The following BIRC6 variants were observed in gnomAD, a reference collection of about 807,000 sequenced individuals.
The protein encoded by BIRC6 is baculoviral IAP repeat containing 6.
BIRC6 carries 98 observed loss-of-function variants against 503.3 expected under a neutral mutation model. The ratio of observed to expected loss-of-function variants is 0.19; its 90% CI spans 0.17 to 0.23. BIRC6 has a LOEUF of 0.23. BIRC6 is among the 10% of genes least tolerant of loss of function. The pLI is 1.00. For synonymous variants in BIRC6, 2,240 were observed against 2,078.7 expected, an observed-to-expected ratio of 1.08 and a Z score of -2.11; for missense variants, 5,360 against 5,806.0, an observed-to-expected ratio of 0.92 and a Z score of 2.50.
chr2:32,535,740 A>C (rs560471998), intron 61 of BIRC6, among the ~76,000 whole-genome samples: 2 of 152,270 alleles, frequency 1.3e-5, no homozygotes, highest in Admixed American at 6.5e-5. Flanking sequence ...AGTCTTTGCT[A>C]TTGTGAATAG....
chr2:32,376,243 C>T (rs955714246), intron 1 of BIRC6, among the ~76,000 whole-genome samples: 5 of 150,642 alleles, frequency 3.3e-5, no homozygotes, highest in Non-Finnish European at 5.9e-5. Context: ...CTTTTTACTG[C>T]GATTACCAAT....
intron 66 of BIRC6, among the ~76,000 whole-genome samples, chr2:32,590,348 G>T (rs902520831): frequency 6.6e-6 from 1 of 152,184 alleles, no homozygotes; most frequent in African/African-American, 2.4e-5. Flanking sequence ...TCAGCATGTA[G>T]TCTCCAGATA....
At chr2:32,438,584 G>T (rs1340528935) in intron 15 of BIRC6, among the ~76,000 whole-genome samples, 6 of 145,502 alleles carry the variant, frequency 4.1e-5, no homozygotes, top group Non-Finnish European at 9.0e-5. Flanking sequence ...TTTTGAGACG[G>T]AGTCTTGCTC....
chr2:32,606,609 A>G (rs2062473563), intron 71 of BIRC6, among the ~76,000 whole-genome samples: 1 of 151,968 alleles, frequency 6.6e-6, no homozygotes. Flanking sequence ...ATAAATAAGA[A>G]TTTCTAATAA....
In BIRC6 at chr2:32,441,411, A is replaced by G; in HGVS notation, c.3893A>G (p.Glu1298Gly). 1 of 1,611,186 alleles carries G rather than the reference A, an allele frequency of 6.2e-7. No homozygotes were observed. Among genetic ancestry groups the G allele is most frequent in the Non-Finnish European group, 8.5e-7 (1 of 1,177,790 alleles). The change falls in exon 17 of 74, where the codon GAG becomes GGG. Residue 1298 changes from glutamate to glycine, a missense_variant. Around this residue, in one of 16 missense-constraint regions of BIRC6, gnomAD observed 2,299 missense variants for 2,267.2 expected, o/e 1.01. Transcript: ENST00000421745. ...CTCCGGGGCTGTGATTTACTTCAAGAGGTCTCAGTCACCATTCGAAGATTT... is the reference window on the plus strand; with the variant it reads ...CTCCGGGGCTGTGATTTACTTCAAGGGGTCTCAGTCACCATTCGAAGATTT... ...ENLRGCDLLQ[E>G]VSVTIRRFKK...
chr2:32,584,389 G>A (rs1409453590), intron 66 of BIRC6, among the ~76,000 whole-genome samples: 3 of 152,156 alleles, frequency 2.0e-5, no homozygotes, highest in East Asian at 1.9e-4. Context: ...AATTAGCTGC[G>A]TGTGGTGGCG....
At chr2:32,613,723 C>G (rs1364934575) in intron 73 of BIRC6, among the ~76,000 whole-genome samples, 2 of 152,168 alleles carry the variant, frequency 1.3e-5, no homozygotes, top group Admixed American at 6.6e-5. Context: ...TGTTAAAACA[C>G]TCATAACATT....
intron 53 of BIRC6, among the ~76,000 whole-genome samples, chr2:32,512,510 A>G (rs1471386743): frequency 1.3e-5 from 2 of 152,168 alleles, no homozygotes; most frequent in Non-Finnish European, 2.9e-5. Flanking sequence ...CTTAATTTCC[A>G]TCTTATAAAA....
intron 4 of BIRC6, among the ~76,000 whole-genome samples, chr2:32,389,181 G>T (rs1340048760): frequency 1.3e-5 from 2 of 151,960 alleles, no homozygotes; most frequent in African/African-American, 2.4e-5. Context: ...TATTTGAAGG[G>T]ATTATAAAGC....
chr2:32,497,598 T>G (rs2052624694), intron 45 of BIRC6, among the ~76,000 whole-genome samples: 1 of 152,226 alleles, frequency 6.6e-6, no homozygotes, highest in African/African-American at 2.4e-5. Context: ...TGAAGGAAGT[T>G]GTTCCTTTAC....
intron 65 of BIRC6, among the ~76,000 whole-genome samples, chr2:32,573,866 C>T (rs1393050518): frequency 6.6e-6 from 1 of 151,972 alleles, no homozygotes; most frequent in Non-Finnish European, 1.5e-5. Context: ...AAAAAGTTTC[C>T]ACTTCATACT....
At chr2:32,420,810 C>T (rs558653532) in intron 10 of BIRC6, among the ~76,000 whole-genome samples, 41 of 152,088 alleles carry the variant, frequency 2.7e-4, no homozygotes, top group Non-Finnish European at 5.1e-4. Context: ...CCATGCCTGG[C>T]TCCTTACATT....
chr2:32,490,243 A>G (rs997037513), intron 43 of BIRC6, 92 bp downstream of exon 43: 47 of 1,149,788 alleles, frequency 4.1e-5, no homozygotes, highest in Non-Finnish European at 5.7e-5. Flanking sequence ...AAGGAGTGGT[A>G]TACTTGTCAA....
chr2:32,523,833 G>T (rs865846539), intron 57 of BIRC6, among the ~76,000 whole-genome samples: 23 of 152,236 alleles, frequency 1.5e-4, no homozygotes, highest in African/African-American at 5.3e-4. Context: ...GCAGGCAGAT[G>T]GCTTGAGCCC....
At position 32,508,275 on chromosome 2, in the gene BIRC6, C is replaced by CTTTTTTT; in HGVS notation, c.9980+16_9980+17insTTTTTTT. ...CCAAAACAAGGTATGTTTTGTTTGT[C>CTTTTTTT]CTTTTTTTTTTTTTTTTTTTTTTTT... On this transcript the variant is annotated intron_variant, in intron 51 of 73. Transcript: ENST00000421745. 5.2e-6 allele frequency: 3 copies of CTTTTTTT among 577,778 alleles called. No homozygotes were observed. The highest frequency in any genetic ancestry group is 1.0e-4 in the East Asian group (2 of 19,052). 35.8% of individuals were successfully genotyped at this position (577,778 alleles called of 1,614,324 possible).
At chr2:32,568,491 CAAAA>C (rs59954195) in intron 65 of BIRC6, among the ~76,000 whole-genome samples, 20 of 108,870 alleles carry the variant, frequency 1.8e-4, no homozygotes, top group Non-Finnish European at 2.5e-4. Flanking sequence ...GACCTTGGCG[CAAAA>C]AAAAAAAAAA....
At chr2:32,423,918 G>T (rs1360477835) in intron 10 of BIRC6, among the ~76,000 whole-genome samples, 1 of 152,188 alleles carries the variant, frequency 6.6e-6, no homozygotes, top group East Asian at 1.9e-4. Flanking sequence ...TTGGTTATCA[G>T]ATTGTCTGTC....
At chr2:32,503,416 G>A (rs1262486846) in intron 49 of BIRC6, among the ~76,000 whole-genome samples, 180 bp downstream of exon 49, 1 of 68,024 alleles carries the variant, frequency 1.5e-5, no homozygotes, top group East Asian at 4.0e-4. Flanking sequence ...TGCTTTGTTT[G>A]TTTGTTTGTT....
chr2:32,581,812 A>G (rs1258854981), intron 66 of BIRC6, among the ~76,000 whole-genome samples: 3 of 152,244 alleles, frequency 2.0e-5, no homozygotes, highest in Admixed American at 6.5e-5. Flanking sequence ...GAATATTCAT[A>G]CATGTAAAAT....
Sources: gnomAD v4.1 joint callset for allele counts (sites outside exome capture counted in the v4.1 genomes callset) on GRCh38, gnomAD v4.1.1 for gene constraint, gnomAD v4.1.1 regional missense constraint, MANE v1.5 for transcripts, NCBI Gene and HGNC (gene_info 2026-07-23, HGNC 2026-07-21) for gene names.